The following SULF1 variants were observed in gnomAD, a reference collection of about 807,000 sequenced individuals.
SULF1 encodes the protein extracellular sulfatase Sulf-1.
Under a neutral mutation model 110.5 loss-of-function variants are expected in SULF1, and 46 were observed. The ratio of observed to expected loss-of-function variants is 0.42; its 90% CI spans 0.33 to 0.53. SULF1 has a LOEUF of 0.53. Ranked by LOEUF, SULF1 falls within the 20% of genes least tolerant of loss-of-function variation. SULF1 has a pLI of 0.12. For synonymous variants in SULF1, 371 were observed against 387.1 expected (o/e 0.96, Z 0.49); for missense variants, 941 against 1,094.2 (o/e 0.86, Z 1.98).
intron 22 of SULF1, among the ~76,000 whole-genome samples, chr8:69,655,435 A>T (rs1365857309): frequency 6.6e-6 from 1 of 152,228 alleles, no homozygotes; most frequent in Admixed American, 6.5e-5. Context: ...CCTTGTACTG[A>T]TAACACCTAT....
chr8:69,607,959 T>C (rs1241642663), intron 13 of SULF1, among the ~76,000 whole-genome samples: 1 of 152,110 alleles, frequency 6.6e-6, no homozygotes, highest in Non-Finnish European at 1.5e-5. Flanking sequence ...TGACACTCCA[T>C]GGGGAACAAA....
At chr8:69,642,144 TTATC>T in intron 22 of SULF1, 2 of 746,892 alleles carry the variant, frequency 2.7e-6, no homozygotes, top group Non-Finnish European at 3.3e-6. Context: ...AATATCTTCT[TTATC>T]TATATTAATA....
chr8:69,524,723 T>C (rs984665795), intron 3 of SULF1, among the ~76,000 whole-genome samples: 1 of 152,214 alleles, frequency 6.6e-6, no homozygotes, highest in Non-Finnish European at 1.5e-5. Context: ...AATCATTGCA[T>C]TTTGTATAAA....
chr8:69,572,454 G>A (rs2150737359), intron 5 of SULF1, among the ~76,000 whole-genome samples: 1 of 152,272 alleles, frequency 6.6e-6, no homozygotes, highest in Non-Finnish European at 1.5e-5. Flanking sequence ...AAGAGAACCT[G>A]GCTGAGAGTA....
intron 6 of SULF1, among the ~76,000 whole-genome samples, chr8:69,578,349 T>A (rs1292924393): frequency 6.6e-6 from 1 of 152,154 alleles, no homozygotes; most frequent in African/African-American, 2.4e-5. Context: ...TTTGTTTATT[T>A]ATTTTATTTT....
At chr8:69,594,711 CAA>C (rs548798854) in intron 8 of SULF1, among the ~76,000 whole-genome samples, 1 of 144,956 alleles carries the variant, frequency 6.9e-6, no homozygotes, top group African/African-American at 2.5e-5. Context: ...TTAAATTCTA[CAA>C]AAAAAAAAAA....
chr8:69,603,764 G>A (rs764943571), intron 12 of SULF1, 108 bp downstream of exon 12: 73 of 769,368 alleles, frequency 9.5e-5, no homozygotes, highest in Non-Finnish European at 1.3e-4. Context: ...TGCAGATTTC[G>A]TAAACCTAGT....
At chr8:69,629,232 C>G (rs1007979565) in intron 18 of SULF1, among the ~76,000 whole-genome samples, 1 of 152,122 alleles carries the variant, frequency 6.6e-6, no homozygotes, top group Admixed American at 6.6e-5. Context: ...CAGGGTTTCA[C>G]CGTGTTGGCC....
chr8:69,560,929 T>G (rs16936103), intron 3 of SULF1, among the ~76,000 whole-genome samples: 3,540 of 152,288 alleles, frequency 0.023, 135 homozygotes, highest in African/African-American at 0.081. Flanking sequence ...TCTTGACCAC[T>G]TAATGTATAT....
chr8:69,573,519 G>A (rs1047581680), intron 5 of SULF1, among the ~76,000 whole-genome samples: 14 of 152,108 alleles, frequency 9.2e-5, no homozygotes, highest in African/African-American at 2.9e-4. Flanking sequence ...TTTGAATTCT[G>A]CTAAGGCTCA....
intron 1 of SULF1, among the ~76,000 whole-genome samples, chr8:69,485,940 CT>C (rs1367471834): frequency 1.3e-5 from 2 of 152,166 alleles, no homozygotes; most frequent in Non-Finnish European, 2.9e-5. Context: ...AGTTTACCTG[CT>C]TGAATGACTG....
intron 5 of SULF1, among the ~76,000 whole-genome samples, chr8:69,573,167 T>C (rs723290): frequency 0.63 from 95,304 of 152,052 alleles, 30,619 homozygotes; most frequent in African/African-American, 0.77. Context: ...TGGAGCTGTA[T>C]TCTTAACAGT....
intron 3 of SULF1, among the ~76,000 whole-genome samples, chr8:69,560,335 C>T (rs1356805455): frequency 9.0e-6 from 1 of 110,604 alleles, no homozygotes; most frequent in Non-Finnish European, 1.7e-5. Context: ...GACATCCTGC[C>T]AGTCTTTTTT....
intron 22 of SULF1, among the ~76,000 whole-genome samples, chr8:69,657,643 T>C: frequency 6.6e-6 from 1 of 152,222 alleles, no homozygotes; most frequent in East Asian, 1.9e-4. Context: ...CTGAAGATTG[T>C]AGGATTCTCT....
chr8:69,517,530 G>C (rs746890203), intron 3 of SULF1, among the ~76,000 whole-genome samples: 2 of 152,136 alleles, frequency 1.3e-5, no homozygotes, highest in Non-Finnish European at 1.5e-5. Context: ...AAGACTTGAG[G>C]TAGGGAAACG....
At chr8:69,498,113 CCACACACACA>C (rs71257190) in intron 2 of SULF1, among the ~76,000 whole-genome samples, 29,213 of 148,606 alleles carry the variant, frequency 0.2, 2,955 homozygotes, top group Middle Eastern at 0.27. Context: ...CTCTCTCTCT[CCACACACACA>C]CACACACACA....
At position 69,603,269 on chromosome 8, in the gene SULF1, T is replaced by A. The variant is rs1259573954; in HGVS notation, c.1139T>A (p.Val380Glu). The change falls in exon 11 of 23, where the codon GTG becomes GAG. Residue 380 changes from valine (V) to glutamate (E), a missense_variant. By Grantham distance (121) the Val-to-Glu change is moderately radical (BLOSUM62 -2). Around this residue, in one of 3 missense-constraint regions of SULF1, gnomAD observed 822 missense variants for 934.3 expected, o/e 0.88. Coordinates refer to ENST00000402687, the MANE Select transcript of SULF1 (RefSeq NM_001128205.2). ...GCTGGGCTCGACACACCTCCTGATGTGGACGGCAAGTCTGTCCTCAAACTT... is the reference window on the plus strand; with the variant it reads ...GCTGGGCTCGACACACCTCCTGATGAGGACGGCAAGTCTGTCCTCAAACTT... ...DIAGLDTPPD[V>E]DGKSVLKLLD... 1 of 1,614,034 alleles carries A rather than the reference T, an allele frequency of 6.2e-7. No homozygotes were observed. Among genetic ancestry groups the A allele is most frequent in the African/African-American group, 1.3e-5 (1 of 74,902 alleles).
chr8:69,596,871 G>T (rs1586505709), intron 8 of SULF1, among the ~76,000 whole-genome samples: 1 of 152,156 alleles, frequency 6.6e-6, no homozygotes, highest in Admixed American at 6.5e-5. Context: ...CCCAGAATTT[G>T]CTCTCTAGAG....
chr8:69,608,287 G>A (rs1376719545), intron 13 of SULF1, among the ~76,000 whole-genome samples: 1 of 152,216 alleles, frequency 6.6e-6, no homozygotes, highest in African/African-American at 2.4e-5. Flanking sequence ...ATGTACTAAA[G>A]TGAGACTGAG....
Sources: allele counts gnomAD v4.1 joint callset (sites outside exome capture counted in the v4.1 genomes callset), GRCh38; gene constraint gnomAD v4.1.1; regional missense constraint gnomAD v4.1.1; transcripts MANE v1.5; gene names NCBI Gene and HGNC (gene_info 2026-07-23, HGNC 2026-07-21).